The following CLASP1 variants were observed in gnomAD, a reference collection of about 807,000 sequenced individuals.
CLASP1 encodes the protein cytoplasmic linker associated protein 1.
Under a neutral mutation model 192.3 loss-of-function variants are expected in CLASP1, and 38 were observed. The ratio of observed to expected loss-of-function variants is 0.20; its 90% CI spans 0.15 to 0.26. The LOEUF (loss-of-function observed/expected upper bound fraction) is 0.26, where lower values mean the gene tolerates loss of function less well. Among genes scored for constraint, CLASP1 ranks in the 10% least tolerant of loss-of-function variants. CLASP1 has a pLI of 1.00. For missense variants in CLASP1, 1,433 were observed against 1,932.5 expected, an observed-to-expected ratio of 0.74 and a Z score of 4.85; for synonymous variants, 691 against 712.8, an observed-to-expected ratio of 0.97 and a Z score of 0.49.
chr2:121,543,992 C>A (rs771639648), intron 2 of CLASP1, among the ~76,000 whole-genome samples: 1 of 152,178 alleles, frequency 6.6e-6, no homozygotes, highest in East Asian at 1.9e-4. Flanking sequence ...GGAAACTAAG[C>A]CCAAAAAGAT....
intron 12 of CLASP1, among the ~76,000 whole-genome samples, chr2:121,459,456 T>G (rs1486912666): frequency 6.6e-6 from 1 of 152,230 alleles, no homozygotes; most frequent in Non-Finnish European, 1.5e-5. Flanking sequence ...AAAATCTGAC[T>G]TCAGCCAAAA....
chr2:121,515,838 T>A (rs2094275038), intron 6 of CLASP1, 76 bp from the exon 7 acceptor site: 1 of 1,105,368 alleles, frequency 9.0e-7, no homozygotes, highest in Non-Finnish European at 1.4e-6. Flanking sequence ...CAACAGGCCA[T>A]ATACCACCCC....
intron 33 of CLASP1, among the ~76,000 whole-genome samples, chr2:121,380,548 C>T (rs552592173): frequency 6.6e-6 from 1 of 152,194 alleles, no homozygotes; most frequent in Non-Finnish European, 1.5e-5. Context: ...GGATCCATGT[C>T]GTGGGGAGGG....
rs143010571 is a variant in CLASP1, at chr2:121,645,408, T to C, written c.-286+3964A>G. 2.0e-5 allele frequency among the ~76,000 whole-genome samples: 3 copies of C among 152,340 alleles called. No individual in the cohort carries two copies. The East Asian group carries it at 5.8e-4, about 29-fold the overall frequency. ...ACAGATGCCTGCAGTGTGACACTGA[T>C]GATCAGAATGTAGCAAACATAAGGA... On this transcript the variant is annotated intron_variant, in intron 1 of 39. Coordinates refer to ENST00000263710, the Ensembl canonical transcript of CLASP1.
chr2:121,401,327 T>G (rs1402439785), intron 28 of CLASP1, among the ~76,000 whole-genome samples, 182 bp downstream of exon 29: 1 of 152,218 alleles, frequency 6.6e-6, no homozygotes, highest in African/African-American at 2.4e-5. Flanking sequence ...AAGGAAGATA[T>G]GGTATTTCAT....
chr2:121,562,251 T>C (rs1360274097), intron 2 of CLASP1, among the ~76,000 whole-genome samples: 1 of 152,196 alleles, frequency 6.6e-6, no homozygotes, highest in East Asian at 1.9e-4. Flanking sequence ...GGGCAGGCAG[T>C]CCACCCTCAG....
At chr2:121,465,673 T>C (rs1464226917) in intron 9 of CLASP1, among the ~76,000 whole-genome samples, 1 of 152,122 alleles carries the variant, frequency 6.6e-6, no homozygotes. Context: ...AAAACTACTT[T>C]AAAGTTCATA....
intron 28 of CLASP1, among the ~76,000 whole-genome samples, chr2:121,399,930 C>T (rs2075896054): frequency 6.6e-6 from 1 of 152,102 alleles, no homozygotes; most frequent in Non-Finnish European, 1.5e-5. Context: ...TGCCCAAATC[C>T]ACATTTCTGA....
At chr2:121,589,313 T>C (rs1363992293) in intron 2 of CLASP1, among the ~76,000 whole-genome samples, 1 of 152,166 alleles carries the variant, frequency 6.6e-6, no homozygotes, top group Non-Finnish European at 1.5e-5. Flanking sequence ...ATCACACACT[T>C]ACCCCTCACT....
At position 121,511,088 on chromosome 2, in the gene CLASP1, C is replaced by T. The variant is rs761169753; in HGVS notation, c.644+4577G>A. 5.3e-5 allele frequency among the ~76,000 whole-genome samples: 8 copies of T among 151,962 alleles called. 1 individual carries two copies. The highest frequency in any genetic ancestry group is 2.9e-5 in the Non-Finnish European group (2 of 67,994). On this transcript the variant is annotated intron_variant, in intron 7 of 39. Transcript: ENST00000263710. ...GAGTATGCAGTAAGTATACAGACAA[C>T]TATACAAATGAAACTAAAACAGTTA...
intron 1 of CLASP1, among the ~76,000 whole-genome samples, chr2:121,645,037 A>G (rs1328990426): frequency 2.6e-5 from 4 of 151,828 alleles, no homozygotes; most frequent in African/African-American, 9.7e-5. Flanking sequence ...AGGACTAACC[A>G]TTTAGGGCTG....
At chr2:121,365,385 C>T (rs2067189457) in intron 35 of CLASP1, 101 bp from the exon 37 acceptor site, 1 of 1,119,004 alleles carries the variant, frequency 8.9e-7, no homozygotes, top group African/African-American at 1.5e-5. Flanking sequence ...GCCTCCTCTC[C>T]CAGAGGCGAT....
In CLASP1 at chr2:121,383,477, G is replaced by A. The variant is rs76900115; in HGVS notation, c.3375-1153C>T. Among the ~76,000 whole-genome samples the A allele has an allele frequency of 2.4e-3, 362 of 151,836 alleles. 6 individuals carry two copies. The East Asian group carries it at 0.024, about 10-fold the overall frequency. ...ACACCTCAGGCTGGGCCTCTGCTTG[G>A]GGAAGGAGTGGCAGAACACCCACCT... On this transcript the variant is annotated intron_variant, in intron 32 of 39. Coordinates refer to ENST00000263710, the Ensembl canonical transcript of CLASP1.
At chr2:121,507,970 T>C (rs1305169250) in intron 7 of CLASP1, among the ~76,000 whole-genome samples, 1 of 151,812 alleles carries the variant, frequency 6.6e-6, no homozygotes, top group Non-Finnish European at 1.5e-5. Flanking sequence ...ACTTAAGATA[T>C]TACCAGATAA....
At chr2:121,513,198 T>C (rs960176292) in intron 7 of CLASP1, 1 of 152,208 alleles carries the variant, frequency 6.6e-6, no homozygotes, top group African/African-American at 2.4e-5. Context: ...GCAAGGAAAC[T>C]TGAAGTTTCA....
At chr2:121,503,281 T>C (rs1221358768) in intron 7 of CLASP1, 47 bp from the exon 8 acceptor site, 13 of 1,057,860 alleles carry the variant, frequency 1.2e-5, no homozygotes, top group East Asian at 2.6e-5. Context: ...TCACTGCTCA[T>C]AGCCAATTAT....
intron 32 of CLASP1, among the ~76,000 whole-genome samples, chr2:121,386,280 A>G (rs2073173529): frequency 6.6e-6 from 1 of 152,238 alleles, no homozygotes; most frequent in African/African-American, 2.4e-5. Context: ...TGGTGTCAGC[A>G]GCCCTCAGGA....
intron 8 of CLASP1, among the ~76,000 whole-genome samples, chr2:121,482,630 G>T (rs189189070): frequency 5.9e-5 from 9 of 152,162 alleles, no homozygotes; most frequent in African/African-American, 1.9e-4. Flanking sequence ...GGGTGAATTA[G>T]GGAAGATGGG....
intron 2 of CLASP1, among the ~76,000 whole-genome samples, chr2:121,601,272 A>G (rs1034643484): frequency 1.4e-5 from 2 of 138,422 alleles, no homozygotes; most frequent in African/African-American, 5.4e-5. Flanking sequence ...AGCGTTCAGC[A>G]TTTTTTTTTT....
Sources: gnomAD v4.1 joint callset for allele counts (sites outside exome capture counted in the v4.1 genomes callset) on GRCh38, gnomAD v4.1.1 for gene constraint, MANE v1.5 for transcripts, NCBI Gene and HGNC (gene_info 2026-07-23, HGNC 2026-07-21) for gene names.